GRM7: variants seen among roughly 807,000 people sequenced by gnomAD.
The protein encoded by GRM7 is glutamate metabotropic receptor 7.
A neutral mutation model predicts 84.5 loss-of-function variants in GRM7; 35 were observed. The ratio of observed to expected loss-of-function variants is 0.41; its 90% CI spans 0.32 to 0.55. The LOEUF (loss-of-function observed/expected upper bound fraction) is 0.55. Among genes scored for constraint, GRM7 ranks in the 20% least tolerant of loss-of-function variants. The probability of loss-of-function intolerance (pLI) is 0.19; values close to 1 mark genes in which losing one functional copy is unlikely to be tolerated. For synonymous variants in GRM7, 487 were observed against 455.1 expected, an observed-to-expected ratio of 1.07 and a Z score of -0.89; for missense variants, 1,003 against 1,194.6, an observed-to-expected ratio of 0.84 and a Z score of 2.36.
intron 1 of GRM7, among the ~76,000 whole-genome samples, chr3:6,874,133 C>A (rs1194713282): frequency 6.6e-6 from 1 of 152,148 alleles, no homozygotes; most frequent in Non-Finnish European, 1.5e-5. Context: ...GGATGTACTG[C>A]ATACTGTTGT....
rs774424102 is a variant in GRM7, at chr3:7,227,028, C to T, written c.737-71656C>T. Among the ~76,000 whole-genome samples the T allele has an allele frequency of 2.6e-5, 4 of 152,142 alleles. No homozygotes were observed. The South Asian group carries it at 8.3e-4, about 32-fold the overall frequency. ...AGATTTACTGGAGGTTAAAAATTAA[C>T]TAGAGATTAGAAGAAAAGAGAATTC... On this transcript the variant is annotated intron_variant, in intron 2 of 9. Coordinates refer to ENST00000357716, the MANE Select transcript of GRM7 (RefSeq NM_000844.4).
At position 7,486,686 on chromosome 3, in the gene GRM7, T is replaced by A. The variant is rs970393726; in HGVS notation, c.1515+24964T>A. ...GATGTTGGCACCATGCTTCTTGGAC[T>A]TCCCAGCCACCAGAATGATGAGACA... On this transcript the variant is annotated intron_variant, in intron 7 of 9. Transcript: ENST00000357716. The surrounding 1 kb of genome is among the most constrained non-coding windows in gnomAD (Gnocchi z 5.5). Among the ~76,000 whole-genome samples, 8 of 152,178 alleles carry A rather than the reference T, an allele frequency of 5.3e-5. No individual in the cohort carries two copies. The highest frequency in any genetic ancestry group is 1.0e-4 in the Non-Finnish European group (7 of 68,038).
chr3:7,009,330 T>C (rs1695292695), intron 1 of GRM7, among the ~76,000 whole-genome samples: 1 of 152,190 alleles, frequency 6.6e-6, no homozygotes, highest in Non-Finnish European at 1.5e-5. Context: ...TTAATATAAT[T>C]AACTCCTCCA....
At chr3:6,959,968 A>G (rs1333664281) in intron 1 of GRM7, among the ~76,000 whole-genome samples, 1 of 152,178 alleles carries the variant, frequency 6.6e-6, no homozygotes, top group Non-Finnish European at 1.5e-5. Flanking sequence ...GAGGCTGAAC[A>G]TCTAAAAACT....
At chr3:7,336,526 C>T (rs1701428133) in intron 4 of GRM7, among the ~76,000 whole-genome samples, 1 of 151,960 alleles carries the variant, frequency 6.6e-6, no homozygotes, top group Admixed American at 6.6e-5. Context: ...CAACATAATA[C>T]TGGAAGTCCT....
intron 5 of GRM7, among the ~76,000 whole-genome samples, chr3:7,448,701 A>T (rs1013974509): frequency 3.3e-5 from 5 of 152,196 alleles, no homozygotes; most frequent in Non-Finnish European, 5.9e-5. Flanking sequence ...AGACAAATTT[A>T]ATACGTAAGT....
rs141367918 is a variant in GRM7 at position 7,330,845 on chromosome 3, T to C, written c.1033+24193T>C. On this transcript the variant is annotated intron_variant, in intron 4 of 9. Coordinates refer to ENST00000357716, the MANE Select transcript of GRM7 (RefSeq NM_000844.4). ...CAGGGCACCATGTTTGTTCCTACTTTCACACCTAGAGACAGGATGGTCTTT... is the reference window on the plus strand; with the variant it reads ...CAGGGCACCATGTTTGTTCCTACTTCCACACCTAGAGACAGGATGGTCTTT... Among the ~76,000 whole-genome samples the C allele has an allele frequency of 2.1e-3, 327 of 152,294 alleles. 2 individuals are homozygous for C. The highest frequency in any genetic ancestry group is 7.4e-3 in the African/African-American group (308 of 41,590).
intron 7 of GRM7, among the ~76,000 whole-genome samples, chr3:7,577,556 C>G (rs1437551773): frequency 2.0e-5 from 3 of 152,172 alleles, no homozygotes; most frequent in Non-Finnish European, 4.4e-5. Flanking sequence ...GATTTCCACC[C>G]AACAGTAAAG....
intron 3 of GRM7, 106 bp from the exon 4 acceptor site, chr3:7,306,392 A>C: frequency 3.4e-6 from 3 of 894,190 alleles, no homozygotes; most frequent in East Asian, 2.5e-5. Context: ...GCAATTATTT[A>C]CTTTTTGAGG....
chr3:7,587,663 A>C (rs1047976463), intron 8 of GRM7, among the ~76,000 whole-genome samples: 3 of 152,220 alleles, frequency 2.0e-5, no homozygotes, highest in Non-Finnish European at 2.9e-5. Context: ...GCTTTAAAAA[A>C]TTACTCATTG....
At chr3:7,307,108 A>G (rs568666611) in intron 4 of GRM7, among the ~76,000 whole-genome samples, 2 of 151,150 alleles carry the variant, frequency 1.3e-5, no homozygotes, top group Non-Finnish European at 2.9e-5. Flanking sequence ...AATACAGCAC[A>G]CCACCTCTCT....
chr3:7,649,989 AT>A (rs1698850107), intron 8 of GRM7, among the ~76,000 whole-genome samples: 2 of 152,264 alleles, frequency 1.3e-5, no homozygotes, highest in Non-Finnish European at 2.9e-5. Flanking sequence ...CAAATGGAAA[AT>A]TTGAGGATTT....
chr3:7,421,356 T>C (rs1044983490), intron 5 of GRM7, among the ~76,000 whole-genome samples: 7 of 152,200 alleles, frequency 4.6e-5, no homozygotes, highest in African/African-American at 1.4e-4. Context: ...TGGTTGTGTA[T>C]TGTAATAGGT....
At chr3:7,185,592 A>G (rs2125100982) in intron 2 of GRM7, among the ~76,000 whole-genome samples, 1 of 152,230 alleles carries the variant, frequency 6.6e-6, no homozygotes, top group South Asian at 2.1e-4. Flanking sequence ...TCAATATTAG[A>G]TGTTGTCTAG....
chr3:7,645,381 T>C (rs143259460), intron 8 of GRM7, among the ~76,000 whole-genome samples: 4,187 of 151,348 alleles, frequency 0.028, 194 homozygotes, highest in African/African-American at 0.097. Flanking sequence ...ACCCCGTCAC[T>C]ACTAAAAATA....
intron 4 of GRM7, among the ~76,000 whole-genome samples, chr3:7,401,899 T>G (rs1206360994): frequency 6.6e-6 from 1 of 152,148 alleles, no homozygotes; most frequent in East Asian, 1.9e-4. Flanking sequence ...GGGATTTGCC[T>G]AAGGTAAAAA....
intron 8 of GRM7, among the ~76,000 whole-genome samples, chr3:7,611,684 A>T (rs62235198): frequency 0.13 from 19,611 of 152,156 alleles, 1,479 homozygotes; most frequent in Admixed American, 0.17. Context: ...GATTGAATGC[A>T]TTAGCATCAA....
chr3:7,478,657 G>T (rs1197496317), intron 7 of GRM7, among the ~76,000 whole-genome samples: 1 of 152,066 alleles, frequency 6.6e-6, no homozygotes, highest in Admixed American at 6.5e-5. Flanking sequence ...TCATGGGCAG[G>T]CCATGGGCAT....
intron 9 of GRM7, among the ~76,000 whole-genome samples, chr3:7,689,155 T>A (rs546390628): frequency 3.3e-5 from 5 of 152,226 alleles, no homozygotes; most frequent in African/African-American, 1.2e-4. Flanking sequence ...GGATGGTATT[T>A]GGATGAAAAA....
Sources: allele counts gnomAD v4.1 joint callset (sites outside exome capture counted in the v4.1 genomes callset), GRCh38; gene constraint gnomAD v4.1.1; non-coding constraint Gnocchi (gnomAD v3.1); transcripts MANE v1.5; gene names NCBI Gene and HGNC (gene_info 2026-07-23, HGNC 2026-07-21).